Variants in PSMD3 observed in about 807,000 individuals in gnomAD.
The protein encoded by PSMD3 is proteasome 26S subunit, non-ATPase 3, also known as 26S proteasome non-ATPase regulatory subunit 3.
PSMD3 carries 5 observed loss-of-function variants against 62.8 expected under a neutral mutation model. The ratio of observed to expected loss-of-function variants is 0.08; its 90% CI spans 0.04 to 0.17. The LOEUF (loss-of-function observed/expected upper bound fraction) is 0.17. PSMD3 is among the 10% of genes least tolerant of loss of function. The probability of loss-of-function intolerance (pLI) is 1.00; values close to 1 mark genes in which losing one functional copy is unlikely to be tolerated. For missense variants in PSMD3, 524 were observed against 713.6 expected (o/e 0.73, Z 3.03); for synonymous variants, 265 against 283.9 (o/e 0.93, Z 0.67).
chr17:39,990,372 G>A (rs539936325), intron 6 of PSMD3, among the ~76,000 whole-genome samples, 175 bp downstream of exon 6: 2 of 151,872 alleles, frequency 1.3e-5, no homozygotes, highest in African/African-American at 4.8e-5. Flanking sequence ...CCCTTTGCCT[G>A]TTACTCATTC....
At chr17:39,985,823 A>G (rs2144809241) in intron 2 of PSMD3, among the ~76,000 whole-genome samples, 1 of 152,288 alleles carries the variant, frequency 6.6e-6, no homozygotes, top group African/African-American at 2.4e-5. Flanking sequence ...TGTTTTGTTT[A>G]TATGTTGACT....
chr17:39,983,502 A>C (rs940777006), intron 1 of PSMD3, among the ~76,000 whole-genome samples: 8 of 152,130 alleles, frequency 5.3e-5, no homozygotes, highest in African/African-American at 1.9e-4. Flanking sequence ...ATACCATTAT[A>C]TCTCTTAACC....
rs748497967 is a variant in PSMD3, at chr17:39,995,326, G to A, written c.1216+31G>A. 1.9e-6 allele frequency: 3 copies of A among 1,614,020 alleles called. No individual in the cohort carries two copies. The highest frequency in any genetic ancestry group is 8.5e-7 in the Non-Finnish European group (1 of 1,179,972). The stretch of plus-strand genomic sequence containing the variant: ...GATCAGGATCTGAGGGGCTGTTGGA[G>A]GAGCAGAAGCCAGGCCAGGGCAAAC... On this transcript the variant is annotated intron_variant, in intron 8 of 11. Coordinates refer to ENST00000264639, the MANE Select transcript of PSMD3 (RefSeq NM_002809.4). This position sits in a 1 kb window ranked among gnomAD's most constrained non-coding sequence, Gnocchi z 4.1.
chr17:39,986,701 C>G lies in PSMD3; in HGVS notation c.538C>G (p.Arg180Gly), dbSNP rs199927905. ...LVVIFMMNSK[R>G]YKEAQKISDD... The stretch of plus-strand genomic sequence containing the variant: ...GGTCATCTTCATGATGAACAGCAAG[C>G]GCTACAAAGAGGTATCCAGGATGCA... The change falls in exon 3 of 12, where the codon CGC (arginine) becomes GGC (glycine). Residue 180 changes from arginine (R) to glycine (G), a missense_variant. Physicochemically the swap from Arg to Gly is moderately radical, Grantham distance 125 (BLOSUM62 -2). Transcript: ENST00000264639. 1.2e-6 allele frequency: 2 copies of G among 1,614,122 alleles called. No homozygotes were observed. The highest frequency in any genetic ancestry group is 4.5e-5 in the East Asian group (2 of 44,884).
intron 2 of PSMD3, among the ~76,000 whole-genome samples, chr17:39,986,051 G>A (rs982869849): frequency 6.6e-6 from 1 of 152,112 alleles, no homozygotes; most frequent in Non-Finnish European, 1.5e-5. Context: ...TTGTTCTCCT[G>A]TAACACTTTA....
At chr17:39,984,157 A>T in intron 1 of PSMD3, 137 bp from the exon 2 acceptor site, 1 of 719,824 alleles carries the variant, frequency 1.4e-6, no homozygotes, top group African/African-American at 2.1e-5. Flanking sequence ...CCGAGATCAC[A>T]CCACTGCACT....
At chr17:39,990,628 A>G (rs1268839578) in intron 6 of PSMD3, among the ~76,000 whole-genome samples, 6 of 152,188 alleles carry the variant, frequency 3.9e-5, no homozygotes, top group Admixed American at 6.5e-5. Context: ...GTGGGTGTCA[A>G]TGAAGCAGAC....
intron 3 of PSMD3, among the ~76,000 whole-genome samples, chr17:39,987,602 C>G (rs1409602951): frequency 6.6e-6 from 1 of 152,168 alleles, no homozygotes; most frequent in African/African-American, 2.4e-5. Context: ...CTGGGCTCAG[C>G]CTCCCAAAGT....
rs916187148 is a variant in PSMD3 at position 39,989,762 on chromosome 17, C to A, written c.710C>A (p.Thr237Lys). The part of the protein sequence containing the change: ...VRSFLHARLR[T>K]ATLRHDADGQ... ...AGCTTCTTGCATGCTCGGCTCCGGA[C>A]AGCTACGCTTCGGCATGACGCAGAC... is the stretch of plus-strand genomic sequence containing the variant. Residue 237 changes from threonine to lysine, a missense_variant, in exon 5 of 12, where the codon ACA (threonine) becomes AAA (lysine). Transcript: ENST00000264639. 6.2e-7 allele frequency: 1 copy of A among 1,613,940 alleles called. No homozygotes were observed. The highest frequency in any genetic ancestry group is 2.2e-5 in the East Asian group (1 of 44,892).
intron 5 of PSMD3, 71 bp from the exon 6 acceptor site, chr17:39,990,023 C>A: frequency 6.3e-7 from 1 of 1,589,724 alleles, no homozygotes; most frequent in Non-Finnish European, 8.6e-7. Context: ...GCCCATTTGG[C>A]ACCCTGGCTT....
Position 39,980,863 on chromosome 17 carries a change from G to A in PSMD3, c.-108G>A, listed in dbSNP as rs1353467178. 7 of 1,006,558 alleles carry A rather than the reference G, an allele frequency of 7.0e-6. No individual in the cohort carries two copies. Among genetic ancestry groups the A allele is most frequent in the Non-Finnish European group, 9.7e-6 (7 of 720,118 alleles). 62.4% of individuals were successfully genotyped at this position (1,006,558 alleles called of 1,614,324 possible). A position where few individuals can be genotyped will look rare whatever the true frequency, so the allele number is the denominator to read the frequency against. Reference sequence around the variant, plus strand: ...CTGCTCCGTCATCGTGCGGCCCGACGCTATCTCGCGCTCGTGTGCAGGCCC... The same window carrying A: ...CTGCTCCGTCATCGTGCGGCCCGACACTATCTCGCGCTCGTGTGCAGGCCC... On this transcript the variant is annotated 5_prime_UTR_variant, in exon 1 of 12. Coordinates refer to ENST00000264639, the MANE Select transcript of PSMD3 (RefSeq NM_002809.4).
chr17:39,997,652 G>A lies in PSMD3; in HGVS notation c.*71G>A. 3.9e-6 allele frequency: 6 copies of A among 1,524,848 alleles called. No individual in the cohort carries two copies. Among genetic ancestry groups the A allele is most frequent in the Non-Finnish European group, 4.5e-6 (5 of 1,110,956 alleles). 94.5% of individuals were successfully genotyped at this position (1,524,848 alleles called of 1,614,324 possible). A position where few individuals can be genotyped will look rare whatever the true frequency, so the allele number is the denominator to read the frequency against. On this transcript the variant is annotated 3_prime_UTR_variant, in exon 12 of 12. Coordinates refer to ENST00000264639, the MANE Select transcript of PSMD3 (RefSeq NM_002809.4). ...CCCCCTTGGGGGTCCCCTGCCCAGGGCACTGTCCCCATTTTCCCACACACA... is the reference window on the plus strand; with the variant it reads ...CCCCCTTGGGGGTCCCCTGCCCAGGACACTGTCCCCATTTTCCCACACACA...
In PSMD3 at chr17:39,989,733, T is replaced by A. The variant is rs1436376357; in HGVS notation, c.687-6T>A. Reference sequence around the variant, plus strand: ...AGGCTTTGACATCTTTCTTTCCTTCTTGAAGCTTCTTGCATGCTCGGCTCC... The same window carrying A: ...AGGCTTTGACATCTTTCTTTCCTTCATGAAGCTTCTTGCATGCTCGGCTCC... On this transcript the variant is annotated splice_region_variant and splice_polypyrimidine_tract_variant and intron_variant, in intron 4 of 11. Coordinates refer to ENST00000264639, the MANE Select transcript of PSMD3 (RefSeq NM_002809.4). 6.2e-7 allele frequency: 1 copy of A among 1,610,222 alleles called. No individual in the cohort carries two copies. The highest frequency in any genetic ancestry group is 1.7e-5 in the Admixed American group (1 of 59,960).
At chr17:39,988,907 G>A (rs761091505) in intron 4 of PSMD3, 88 bp downstream of exon 4, 433 of 1,516,332 alleles carry the variant, frequency 2.9e-4, no homozygotes, top group Middle Eastern at 9.4e-4. Flanking sequence ...TGCAGAGGGC[G>A]AAGAACCTGT....
Position 39,995,103 on chromosome 17 carries a change from G to A in PSMD3, c.1096+35G>A. ...GCTTCCCCACCCCAGAGCCCACTAG[G>A]CCCCCTTCAGTGGGGCCTCTTACAT... On this transcript the variant is annotated intron_variant, in intron 7 of 11. Transcript: ENST00000264639. This position sits in a 1 kb window ranked among gnomAD's most constrained non-coding sequence, Gnocchi z 4.1. 1.2e-6 allele frequency: 2 copies of A among 1,613,376 alleles called. No homozygotes were observed. The highest frequency in any genetic ancestry group is 1.7e-6 in the Non-Finnish European group (2 of 1,179,678).
chr17:39,989,877 G>A lies in PSMD3; in HGVS notation c.825G>A (p.Val275=), dbSNP rs1161785910. 3.7e-6 allele frequency: 6 copies of A among 1,614,200 alleles called. No homozygotes were observed. The highest frequency in any genetic ancestry group is 5.1e-6 in the Non-Finnish European group (6 of 1,180,028). The change falls in exon 5 of 12, where the codon GTG becomes GTA. Residue 275 remains valine (V), a synonymous_variant. Transcript: ENST00000264639. The part of the protein sequence containing the change: ...DQAEKLVSKS[V]FPEQANNNEW... Reference sequence around the variant, plus strand: ...CTGAGAAGCTGGTGTCCAAGTCTGTGTTCCCAGAGCAGGCCAACAACAATG... The same window carrying A: ...CTGAGAAGCTGGTGTCCAAGTCTGTATTCCCAGAGCAGGCCAACAACAATG...
chr17:39,996,347 C>T lies in PSMD3; in HGVS notation c.1476+9C>T, dbSNP rs1384479551. 6.2e-6 allele frequency: 10 copies of T among 1,612,598 alleles called. No individual in the cohort carries two copies. The highest frequency in any genetic ancestry group is 8.5e-6 in the Non-Finnish European group (10 of 1,179,430). The stretch of plus-strand genomic sequence containing the variant: ...ACAACATGTCTGTCAAGGTGAGAAG[C>T]CCGTGGCTGCAGAGTCACGCCTGGC... On this transcript the variant is annotated intron_variant, in intron 10 of 11. Coordinates refer to ENST00000264639, the MANE Select transcript of PSMD3 (RefSeq NM_002809.4). This position sits in a 1 kb window ranked among gnomAD's most constrained non-coding sequence, Gnocchi z 5.1.
In PSMD3 at chr17:39,996,129, A is replaced by T; in HGVS notation, c.1321-54A>T. 6.2e-7 allele frequency: 1 copy of T among 1,607,694 alleles called. No individual in the cohort carries two copies. The highest frequency in any genetic ancestry group is 8.5e-7 in the Non-Finnish European group (1 of 1,177,296). Reference sequence around the variant, plus strand: ...GAGCGAGACTCCATCTCAAAAAAAAAAAAAAAGAAGAAGCTGGGTGTGCTG... The same window carrying T: ...GAGCGAGACTCCATCTCAAAAAAAATAAAAAAGAAGAAGCTGGGTGTGCTG... On this transcript the variant is annotated intron_variant, in intron 9 of 11. Transcript: ENST00000264639. This position sits in a 1 kb window ranked among gnomAD's most constrained non-coding sequence, Gnocchi z 5.1.
chr17:39,991,315 C>T (rs944235701), intron 6 of PSMD3, among the ~76,000 whole-genome samples: 4 of 152,048 alleles, frequency 2.6e-5, no homozygotes, highest in African/African-American at 9.7e-5. Context: ...CCACCACGCC[C>T]AGCTAATTTT....
Sources: allele counts gnomAD v4.1 joint callset (sites outside exome capture counted in the v4.1 genomes callset), GRCh38; gene constraint gnomAD v4.1.1; non-coding constraint Gnocchi (gnomAD v3.1); transcripts MANE v1.5; gene names NCBI Gene and HGNC (gene_info 2026-07-23, HGNC 2026-07-21).